The following SIPA1L1 variants were observed in gnomAD, a reference collection of about 807,000 sequenced individuals.
SIPA1L1 encodes the protein signal induced proliferation associated 1 like 1.
SIPA1L1 carries 26 observed loss-of-function variants against 162.7 expected under a neutral mutation model. The observed-to-expected ratio is 0.16, with a 90% CI of 0.12 to 0.22. The LOEUF (loss-of-function observed/expected upper bound fraction) is 0.22. Among genes scored for constraint, SIPA1L1 ranks in the 10% least tolerant of loss-of-function variants. The pLI is 1.00. For synonymous variants in SIPA1L1, 829 were observed against 837.4 expected (o/e 0.99, Z 0.17); for missense variants, 1,874 against 2,241.0 (o/e 0.84, Z 3.31).
At chr14:71,678,726 C>T (rs1411979619) in intron 12 of SIPA1L1, among the ~76,000 whole-genome samples, 1 of 151,498 alleles carries the variant, frequency 6.6e-6, no homozygotes, top group Non-Finnish European at 1.5e-5. Context: ...ACCAGCTCCT[C>T]CTTGTACCTC....
At chr14:71,515,112 G>C (rs2051574892) in intron 3 of SIPA1L1, among the ~76,000 whole-genome samples, 1 of 152,160 alleles carries the variant, frequency 6.6e-6, no homozygotes, top group Non-Finnish European at 1.5e-5. Context: ...TTAGTGAAAA[G>C]ATCTGTATAT....
chr14:71,677,050 C>T (rs184552216), intron 12 of SIPA1L1, among the ~76,000 whole-genome samples: 5 of 152,344 alleles, frequency 3.3e-5, no homozygotes, highest in African/African-American at 1.2e-4. Context: ...AACCACCACA[C>T]TGACTTCCAC....
intron 2 of SIPA1L1, among the ~76,000 whole-genome samples, chr14:71,421,283 T>C (rs2043170057): frequency 6.6e-6 from 1 of 152,180 alleles, no homozygotes; most frequent in African/African-American, 2.4e-5. Flanking sequence ...ATGAGAAAGA[T>C]GTAGTTGATT....
intron 2 of SIPA1L1, chr14:71,321,747 C>T (rs562047194): frequency 1.3e-5 from 2 of 152,384 alleles, no homozygotes; most frequent in East Asian, 3.9e-4. Context: ...AACTTTTCCT[C>T]CTTCGCCCCA....
intron 2 of SIPA1L1, among the ~76,000 whole-genome samples, chr14:71,379,343 G>A (rs1404406989): frequency 6.8e-6 from 1 of 146,530 alleles, no homozygotes; most frequent in East Asian, 2.0e-4. Context: ...TCACTCTGTT[G>A]CCCAGGCTGG....
intron 2 of SIPA1L1, among the ~76,000 whole-genome samples, chr14:71,421,004 C>G (rs1347645549): frequency 6.6e-6 from 1 of 152,160 alleles, no homozygotes; most frequent in Admixed American, 6.5e-5. Flanking sequence ...TAATCTGTAG[C>G]ATTTTCTCTT....
At chr14:71,721,918 C>T (rs956617239) in intron 17 of SIPA1L1, among the ~76,000 whole-genome samples, 39 of 152,344 alleles carry the variant, frequency 2.6e-4, no homozygotes, top group Non-Finnish European at 2.9e-4. Flanking sequence ...GGTGGCAGAA[C>T]CAGCTGGGAC....
intron 8 of SIPA1L1, among the ~76,000 whole-genome samples, chr14:71,656,042 G>A (rs1255733923): frequency 6.6e-6 from 1 of 151,990 alleles, no homozygotes; most frequent in African/African-American, 2.4e-5. Context: ...TTTCTTCTTG[G>A]AAAGAAAAGT....
At position 71,733,751 on chromosome 14, in the gene SIPA1L1, G is replaced by A; in HGVS notation, c.4947G>A (p.Leu1649=). ...QPMPDPGLMP[L]PDTAADLDWS... is the part of the protein sequence containing the mutation. ...TGCCCGACCCTGGCCTGATGCCCCT[G>A]CCTGACACTGCTGCAGACTTGGATT... is the stretch of plus-strand genomic sequence containing the variant. Residue 1649 remains leucine, a synonymous_variant, in exon 21 of 24, where the codon CTG becomes CTA. Transcript: ENST00000381232. 1 of 1,613,612 alleles carries A rather than the reference G, an allele frequency of 6.2e-7. No homozygotes were observed. The highest frequency in any genetic ancestry group is 8.5e-7 in the Non-Finnish European group (1 of 1,180,012).
At chr14:71,645,098 G>A (rs1309403690) in intron 7 of SIPA1L1, among the ~76,000 whole-genome samples, 1 of 152,206 alleles carries the variant, frequency 6.6e-6, no homozygotes, top group Non-Finnish European at 1.5e-5. Context: ...GTGGCTGCCC[G>A]TGCACCTTGG....
chr14:71,373,768 T>C (rs1016049392), intron 2 of SIPA1L1, among the ~76,000 whole-genome samples: 1 of 152,126 alleles, frequency 6.6e-6, no homozygotes, highest in Non-Finnish European at 1.5e-5. Flanking sequence ...TTGAAAGCTA[T>C]TTAAAATGAA....
chr14:71,409,029 A>G (rs1468581875), intron 2 of SIPA1L1, among the ~76,000 whole-genome samples: 3 of 152,140 alleles, frequency 2.0e-5, no homozygotes, highest in African/African-American at 4.8e-5. Flanking sequence ...CTTTGAAGCT[A>G]CTGTGTGTTC....
intron 7 of SIPA1L1, 56 bp downstream of exon 7, chr14:71,624,292 G>T: frequency 7.1e-7 from 1 of 1,412,102 alleles, no homozygotes; most frequent in Non-Finnish European, 9.7e-7. Flanking sequence ...CTAGGCTTCC[G>T]GAATACAGAC....
intron 2 of SIPA1L1, among the ~76,000 whole-genome samples, chr14:71,504,566 C>T (rs1183078129): frequency 1.3e-5 from 2 of 151,938 alleles, no homozygotes; most frequent in Non-Finnish European, 2.9e-5. Flanking sequence ...TAAGGCACAC[C>T]ATTATCTTAT....
At position 71,709,575 on chromosome 14, in the gene SIPA1L1, A is replaced by T; in HGVS notation, c.4119A>T (p.Leu1373Phe). The T allele has an allele frequency of 2.5e-6, 4 of 1,614,230 alleles. No homozygotes were observed. Among genetic ancestry groups the T allele is most frequent in the Non-Finnish European group, 3.4e-6 (4 of 1,180,024 alleles). The part of the protein sequence containing the change: ...LDRKTESSLS[L>F]DIHSKSQAGS... ...GGAAAACAGAGTCTTCCCTGAGCTT[A>T]GACATACACAGCAAGAGCCAAGCCG... is the stretch of plus-strand genomic sequence containing the variant. Residue 1373 changes from leucine (L) to phenylalanine (F), a missense_variant, in exon 17 of 24, where the codon TTA becomes TTT. This residue lies in a region of SIPA1L1 where 936 missense variants were observed against 1,051.9 expected (regional missense o/e 0.89). Transcript: ENST00000381232.
intron 8 of SIPA1L1, among the ~76,000 whole-genome samples, chr14:71,650,852 C>CT (rs1163081369): frequency 1.3e-5 from 2 of 152,184 alleles, no homozygotes; most frequent in African/African-American, 4.8e-5. Flanking sequence ...TTACAACTGT[C>CT]TGAGTGTAAG....
Position 71,651,675 on chromosome 14 carries a change from A to G in SIPA1L1, c.1993+1166A>G, listed in dbSNP as rs976621088. On this transcript the variant is annotated intron_variant, in intron 8 of 23. Coordinates refer to ENST00000381232, the MANE Select transcript of SIPA1L1 (RefSeq NM_001386936.1). ...TAAATTATCACTACCACAAACAGTT[A>G]TTGAAAGGATCTGGGAAGAGAATGT... Among the ~76,000 whole-genome samples the G allele has an allele frequency of 7.2e-5, 11 of 152,302 alleles. 1 individual carries two copies. In the South Asian group the frequency reaches 1.7e-3, roughly 23 times the overall value.
At chr14:71,410,312 T>G (rs1284236278) in intron 2 of SIPA1L1, among the ~76,000 whole-genome samples, 1 of 152,214 alleles carries the variant, frequency 6.6e-6, no homozygotes, top group African/African-American at 2.4e-5. Flanking sequence ...AGTGCTGGGC[T>G]GTTGATTGCA....
In SIPA1L1 at chr14:71,377,988, G is replaced by A. The variant is rs1010243154; in HGVS notation, c.-465+56807G>A. ...AAGCAGGAGATGGAGACGAGGGAGA[G>A]GGGGAGACAGTGGAAAGAAGGAGAG... On this transcript the variant is annotated intron_variant, in intron 2 of 23. Coordinates refer to ENST00000381232, the MANE Select transcript of SIPA1L1 (RefSeq NM_001386936.1). This position sits in a 1 kb window ranked among gnomAD's most constrained non-coding sequence, Gnocchi z 4.8. 6.6e-6 allele frequency among the ~76,000 whole-genome samples: 1 copy of A among 152,116 alleles called. No homozygotes were observed. Among genetic ancestry groups the A allele is most frequent in the Admixed American group, 6.5e-5 (1 of 15,282 alleles).
Sources: allele counts gnomAD v4.1 joint callset (sites outside exome capture counted in the v4.1 genomes callset), GRCh38; gene constraint gnomAD v4.1.1; regional missense constraint gnomAD v4.1.1; non-coding constraint Gnocchi (gnomAD v3.1); transcripts MANE v1.5; gene names NCBI Gene and HGNC (gene_info 2026-07-23, HGNC 2026-07-21).